Variants in NEK10 observed in about 807,000 individuals in gnomAD.
NEK10 encodes the protein NIMA related kinase 10, also known as serine/threonine-protein kinase Nek10.
A neutral mutation model predicts 159.8 loss-of-function variants in NEK10; 122 were observed. The observed-to-expected ratio is 0.76, with a 90% CI of 0.66 to 0.89. NEK10 has a LOEUF of 0.89. Among genes scored for constraint, NEK10 ranks in the 40% least tolerant of loss-of-function variants. The pLI is 0.00. For missense variants in NEK10, 1,342 were observed against 1,323.1 expected (o/e 1.01, Z -0.22); for synonymous variants, 466 against 457.1 (o/e 1.02, Z -0.25).
In NEK10 at chr3:27,344,371, C is replaced by T. The variant is rs765709123; in HGVS notation, c.264-1G>A. 7 of 1,500,202 alleles carry T rather than the reference C, an allele frequency of 4.7e-6. No individual in the cohort carries two copies. Among genetic ancestry groups the T allele is most frequent in the Non-Finnish European group, 6.4e-6 (7 of 1,085,438 alleles). 92.9% of individuals were successfully genotyped at this position (1,500,202 alleles called of 1,614,324 possible). ...ATTTCTCTCATTCTTGTAGTTTATA[C>T]TGAGACAAAACAAACAGAAAAGGAT... On this transcript the variant is annotated splice_acceptor_variant, in intron 4 of 35. Transcript: ENST00000691995. LOFTEE classifies it high-confidence loss of function.
chr3:27,274,321 C>T (rs369083922), intron 22 of NEK10, among the ~76,000 whole-genome samples: 17 of 152,300 alleles, frequency 1.1e-4, no homozygotes, highest in Middle Eastern at 6.8e-3. Flanking sequence ...AGAATGCTTT[C>T]TGAATTCTAG....
At chr3:27,177,458 T>C (rs1947629390) in intron 26 of NEK10, among the ~76,000 whole-genome samples, 2 of 151,792 alleles carry the variant, frequency 1.3e-5, no homozygotes, top group Admixed American at 6.6e-5. Flanking sequence ...AGGAGGAGAA[T>C]GGCATGATCC....
At chr3:27,352,372 C>A in intron 3 of NEK10, 93 bp downstream of exon 3, 1 of 810,186 alleles carries the variant, frequency 1.2e-6, no homozygotes, top group Admixed American at 2.0e-5. Flanking sequence ...CAAAGAAAAG[C>A]AGACATATCA....
At chr3:27,267,098 T>C (rs1036431326) in intron 22 of NEK10, among the ~76,000 whole-genome samples, 8 of 152,180 alleles carry the variant, frequency 5.3e-5, no homozygotes, top group Non-Finnish European at 1.0e-4. Flanking sequence ...AACAGCTTCC[T>C]ACTGAGTTCT....
At chr3:27,133,972 C>T (rs1267326455) in intron 31 of NEK10, among the ~76,000 whole-genome samples, 17 of 152,042 alleles carry the variant, frequency 1.1e-4, no homozygotes, top group Admixed American at 1.1e-3. Context: ...GATGGGATCC[C>T]TTCCTCGGCT....
At chr3:27,203,678 C>T (rs541846495) in intron 23 of NEK10, among the ~76,000 whole-genome samples, 1 of 152,216 alleles carries the variant, frequency 6.6e-6, no homozygotes, top group Non-Finnish European at 1.5e-5. Flanking sequence ...ATATAGTTAG[C>T]TTTGACAATG....
At chr3:27,287,621 T>C (rs1016458865) in intron 20 of NEK10, 77 bp downstream of exon 20, 2 of 1,454,684 alleles carry the variant, frequency 1.4e-6, no homozygotes, top group South Asian at 1.3e-5. Flanking sequence ...TAGGTTTCTT[T>C]TGTGACATTC....
chr3:27,348,035 T>C (rs2047693645), intron 3 of NEK10, among the ~76,000 whole-genome samples: 1 of 152,224 alleles, frequency 6.6e-6, no homozygotes, highest in African/African-American at 2.4e-5. Flanking sequence ...TAATTATTCC[T>C]ATTATACAGA....
In NEK10 at chr3:27,274,609, G is replaced by A. The variant is rs73040651; in HGVS notation, c.2014+9993C>T. Among the ~76,000 whole-genome samples the A allele has an allele frequency of 4.8e-3, 736 of 152,108 alleles. 4 individuals are homozygous for A. Among genetic ancestry groups the A allele is most frequent in the Non-Finnish European group, 8.6e-3 (586 of 67,974 alleles). On this transcript the variant is annotated intron_variant, in intron 22 of 35. Transcript: ENST00000691995. ...CTCCTATAAGGATGGGAAGTCAGGG[G>A]TGCACTCTCTTTTTTTCACATATGC... is the stretch of plus-strand genomic sequence containing the variant.
At chr3:27,172,201 G>C (rs1947058183) in intron 28 of NEK10, among the ~76,000 whole-genome samples, 1 of 151,830 alleles carries the variant, frequency 6.6e-6, no homozygotes, top group South Asian at 2.1e-4. Context: ...TGGGTGTGGT[G>C]GAGCATGCCT....
chr3:27,306,726 G>A (rs1223604491), intron 11 of NEK10, among the ~76,000 whole-genome samples: 3 of 152,196 alleles, frequency 2.0e-5, no homozygotes, highest in Non-Finnish European at 4.4e-5. Flanking sequence ...GATCACATGA[G>A]TTAATAAGCA....
Position 27,330,877 on chromosome 3 carries a change from A to G in NEK10, c.363-8616T>C, listed in dbSNP as rs150026082. ...TAAAGAGATGAGGCCAAGAAGGAAC[A>G]AGATCTCAAAGAACTATGTGAACCA... On this transcript the variant is annotated intron_variant, in intron 5 of 35. Coordinates refer to ENST00000691995, the MANE Select transcript of NEK10 (RefSeq NM_001394966.1). Among the ~76,000 whole-genome samples, 460 of 152,308 alleles carry G rather than the reference A, an allele frequency of 3.0e-3. 2 individuals are homozygous for G. The highest frequency in any genetic ancestry group is 5.0e-3 in the Non-Finnish European group (340 of 68,020).
chr3:27,250,572 C>T (rs1955548210), intron 23 of NEK10, among the ~76,000 whole-genome samples: 2 of 152,130 alleles, frequency 1.3e-5, no homozygotes, highest in African/African-American at 4.8e-5. Context: ...ATTGAAGAAC[C>T]CCCTTTAGCA....
chr3:27,338,640 CTCATTGT>C (rs1411674365), intron 5 of NEK10, among the ~76,000 whole-genome samples: 2 of 152,214 alleles, frequency 1.3e-5, no homozygotes, highest in Non-Finnish European at 2.9e-5. Context: ...GAGATAATAT[CTCATTGT>C]GGTTTTGATT....
intron 23 of NEK10, among the ~76,000 whole-genome samples, chr3:27,244,845 G>A (rs1487563933): frequency 6.6e-6 from 1 of 152,094 alleles, no homozygotes; most frequent in East Asian, 1.9e-4. Context: ...CTGATGCCTT[G>A]CTCCCTCACC....
At chr3:27,282,060 A>G (rs1371409153) in intron 22 of NEK10, among the ~76,000 whole-genome samples, 2 of 152,246 alleles carry the variant, frequency 1.3e-5, no homozygotes, top group Admixed American at 6.5e-5. Flanking sequence ...ACACAGCAGC[A>G]ATAATGTAAA....
At chr3:27,210,341 C>T (rs1357751230) in intron 23 of NEK10, among the ~76,000 whole-genome samples, 1 of 152,102 alleles carries the variant, frequency 6.6e-6, no homozygotes, top group African/African-American at 2.4e-5. Context: ...GTCCCATTCT[C>T]ATAATAACTC....
intron 29 of NEK10, among the ~76,000 whole-genome samples, chr3:27,164,312 G>A (rs1465372411): frequency 6.6e-6 from 1 of 152,178 alleles, no homozygotes; most frequent in Non-Finnish European, 1.5e-5. Flanking sequence ...CCAGTTCCTT[G>A]TATGCCTGCA....
chr3:27,187,843 C>T (rs575356356), intron 26 of NEK10, among the ~76,000 whole-genome samples: 50 of 152,078 alleles, frequency 3.3e-4, no homozygotes, highest in Non-Finnish European at 6.0e-4. Context: ...CGTTTTAGTC[C>T]ACGTTACCCA....
Sources: allele counts gnomAD v4.1 joint callset (sites outside exome capture counted in the v4.1 genomes callset), GRCh38; gene constraint gnomAD v4.1.1; transcripts MANE v1.5; gene names NCBI Gene and HGNC (gene_info 2026-07-23, HGNC 2026-07-21).